MACF1: variants seen among roughly 807,000 people sequenced by gnomAD.
The protein encoded by MACF1 is microtubule actin crosslinking factor 1, also known as microtubule-actin cross-linking factor 1.
A neutral mutation model predicts 854.8 loss-of-function variants in MACF1; 193 were observed. The ratio of observed to expected loss-of-function variants is 0.23; its 90% CI spans 0.20 to 0.25. The LOEUF (loss-of-function observed/expected upper bound fraction) is 0.25. Ranked by LOEUF, MACF1 falls within the 10% of genes least tolerant of loss-of-function variation. The probability of loss-of-function intolerance (pLI) is 1.00; values close to 1 mark genes in which losing one functional copy is unlikely to be tolerated. For missense variants in MACF1, 7,722 were observed against 8,929.1 expected, an observed-to-expected ratio of 0.86 and a Z score of 5.45; for synonymous variants, 3,185 against 3,226.7, an observed-to-expected ratio of 0.99 and a Z score of 0.44.
chr1:39,439,503 A>T lies in MACF1; in HGVS notation c.18447+3A>T. The T allele has an allele frequency of 6.2e-7, 1 of 1,611,148 alleles. No individual in the cohort carries two copies. ...AACAACAGGTTGAAGCTGCTGAGGT[A>T]AGAAGGAAACAAAACCCTTTTTCTT... On this transcript the variant is annotated splice_donor_region_variant and intron_variant, in intron 72 of 100. Coordinates refer to ENST00000564288, the MANE Select transcript of MACF1 (RefSeq NM_001394062.1).
intron 6 of MACF1, among the ~76,000 whole-genome samples, chr1:39,273,945 T>C (rs1313255013): frequency 3.3e-5 from 5 of 152,232 alleles, no homozygotes; most frequent in Non-Finnish European, 7.3e-5. Flanking sequence ...AGAATCATTA[T>C]TTTTTAGGTG....
chr1:39,095,439 T>A (rs1017340382), intron 2 of MACF1, among the ~76,000 whole-genome samples: 2 of 151,248 alleles, frequency 1.3e-5, no homozygotes, highest in Non-Finnish European at 2.9e-5. Context: ...GGTGCGCGCC[T>A]GTAGTCCCAG....
At chr1:39,228,540 A>ATGTTGG (rs1177922731) in intron 1 of MACF1, among the ~76,000 whole-genome samples, 128 of 152,370 alleles carry the variant, frequency 8.4e-4, no homozygotes, top group African/African-American at 2.8e-3. Context: ...TCAGCATCTA[A>ATGTTGG]AAAGATCAAA....
chr1:39,153,156 C>G (rs1004642859), intron 2 of MACF1, among the ~76,000 whole-genome samples: 2 of 152,132 alleles, frequency 1.3e-5, no homozygotes, highest in Admixed American at 1.3e-4. Context: ...AATTTCCTAC[C>G]CTTCCATCTC....
chr1:39,389,391 G>T (rs547255250), intron 58 of MACF1, among the ~76,000 whole-genome samples: 4 of 97,734 alleles, frequency 4.1e-5, no homozygotes, highest in Admixed American at 1.7e-4. Context: ...ACAGAGTCTT[G>T]CTCTGTAGCC....
At chr1:39,252,579 A>C (rs1409282518) in intron 4 of MACF1, among the ~76,000 whole-genome samples, 1 of 152,066 alleles carries the variant, frequency 6.6e-6, no homozygotes, top group Admixed American at 6.5e-5. Context: ...CCTAAATTAT[A>C]GTCCAAAATC....
intron 72 of MACF1, among the ~76,000 whole-genome samples, chr1:39,440,110 T>C (rs899013509): frequency 2.5e-4 from 27 of 107,252 alleles, no homozygotes; most frequent in Non-Finnish European, 5.4e-4. Context: ...TCTTTTCTTT[T>C]CTTTTTTTTT....
At chr1:39,193,443 C>T (rs1436348787) in intron 2 of MACF1, among the ~76,000 whole-genome samples, 1 of 152,222 alleles carries the variant, frequency 6.6e-6, no homozygotes, top group Non-Finnish European at 1.5e-5. Context: ...CCACACATTA[C>T]TTTCACTTAC....
chr1:39,439,341 A>C lies in MACF1; in HGVS notation c.18288A>C (p.Arg6096=). 1 of 1,614,106 alleles carries C rather than the reference A, an allele frequency of 6.2e-7. No individual in the cohort carries two copies. Among genetic ancestry groups the C allele is most frequent in the Non-Finnish European group, 8.5e-7 (1 of 1,179,988 alleles). ...ACATCAAAGCTCGGGCTGAAGAACG[A>C]GAAATCAAATTTCTTGATGTCCTTG... The part of the protein sequence containing the change: ...WEDIKARAEE[R]EIKFLDVLEL... Residue 6096 remains arginine, a synonymous_variant, in exon 72 of 101, where the codon CGA becomes CGC. Transcript: ENST00000564288.
intron 2 of MACF1, among the ~76,000 whole-genome samples, chr1:39,137,851 A>T (rs1643222548): frequency 6.6e-6 from 1 of 152,002 alleles, no homozygotes; most frequent in Non-Finnish European, 1.5e-5. Context: ...AGGCAGGTGG[A>T]TCACCTGAGG....
chr1:39,312,139 G>T, intron 26 of MACF1, among the ~76,000 whole-genome samples: 1 of 152,210 alleles, frequency 6.6e-6, no homozygotes, highest in East Asian at 1.9e-4. Context: ...TGGGAGAATC[G>T]CTTGAACCCA....
chr1:39,354,577 G>A (rs1647363848), intron 44 of MACF1, among the ~76,000 whole-genome samples: 1 of 152,000 alleles, frequency 6.6e-6, no homozygotes, highest in African/African-American at 2.4e-5. Context: ...GCTAAGTTTT[G>A]TATTTTTAGT....
At chr1:39,281,361 G>A (rs956554277) in intron 6 of MACF1, among the ~76,000 whole-genome samples, 2 of 151,894 alleles carry the variant, frequency 1.3e-5, no homozygotes, top group South Asian at 2.1e-4. Flanking sequence ...ATATATGACT[G>A]TATACTTAAA....
Position 39,241,659 on chromosome 1 carries a change from CAAAAAAAAAAAA to C in MACF1, c.172-8343_172-8332del, listed in dbSNP as rs35678466. ...TGGGTGACAGAGCGAGACTCCATCT[CAAAAAAAAAAAA>C]AAAAAAAAAAAGAGTACTACGTGAC... On this transcript the variant is annotated intron_variant, in intron 2 of 100. Coordinates refer to ENST00000564288, the MANE Select transcript of MACF1 (RefSeq NM_001394062.1). 1.7e-4 allele frequency among the ~76,000 whole-genome samples: 9 copies of C among 51,484 alleles called. No homozygotes were observed. The East Asian group carries it at 2.6e-3, about 15-fold the overall frequency. 33.8% of individuals were successfully genotyped at this position (51,484 alleles called of 152,430 possible). A position where few individuals can be genotyped will look rare whatever the true frequency, so the allele number is the denominator to read the frequency against.
chr1:39,388,170 G>A lies in MACF1; in HGVS notation c.15328G>A (p.Gly5110Ser). 1 of 1,614,152 alleles carries A rather than the reference G, an allele frequency of 6.2e-7. No homozygotes were observed. Among genetic ancestry groups the A allele is most frequent in the Non-Finnish European group, 8.5e-7 (1 of 1,180,040 alleles). ...CGAAGTTAAGCAAAGAGTGAACAGT[G>A]GTTGTGTGATGATGGAAAACAAGCT... The part of the protein sequence containing the change: ...FLEVKQRVNS[G>S]CVMMENKLEG... Residue 5110 changes from glycine (G) to serine (S), a missense_variant, in exon 58 of 101, where the codon GGT (glycine) becomes AGT (serine). By Grantham distance (56) the Gly-to-Ser change is moderately conservative (BLOSUM62 0). This residue lies in a region of MACF1 where 2,807 missense variants were observed against 3,235.8 expected (regional missense o/e 0.87). Coordinates refer to ENST00000564288, the MANE Select transcript of MACF1 (RefSeq NM_001394062.1).
chr1:39,352,870 G>T, intron 43 of MACF1, 137 bp from the exon 44 acceptor site: 3 of 482,296 alleles, frequency 6.2e-6, no homozygotes, highest in South Asian at 4.8e-5. Flanking sequence ...ATTCTCTTTT[G>T]TATGTGCAAA....
rs546586293 is a variant in MACF1, at chr1:39,110,445, C to CA, written c.220+26007_220+26008insA. Among the ~76,000 whole-genome samples, 927 of 152,010 alleles carry CA rather than the reference C, an allele frequency of 6.1e-3. 5 individuals are homozygous for CA. Among genetic ancestry groups the CA allele is most frequent in the Non-Finnish European group, 0.011 (771 of 67,956 alleles). Reference sequence around the variant, plus strand: ...AAGAGAAAAGGTCTCACTATGTTGCCCAGGCTGGTCTCAACCCCCTGGCCT... The same window carrying CA: ...AAGAGAAAAGGTCTCACTATGTTGCCACAGGCTGGTCTCAACCCCCTGGCCT... On this transcript the variant is annotated intron_variant, in intron 2 of 93. Transcript: ENST00000361689.
intron 58 of MACF1, among the ~76,000 whole-genome samples, chr1:39,419,275 G>A (rs1192637010): frequency 1.3e-5 from 2 of 152,188 alleles, no homozygotes; most frequent in South Asian, 4.1e-4. Flanking sequence ...ATAGAGTGAA[G>A]GTGAGAAATG....
intron 48 of MACF1, 79 bp downstream of exon 48, chr1:39,361,080 A>G: frequency 2.5e-6 from 3 of 1,202,228 alleles, no homozygotes; most frequent in Non-Finnish European, 3.6e-6. Flanking sequence ...AAAAAGTAAC[A>G]AGAGGGAACC....
Sources: allele counts gnomAD v4.1 joint callset (sites outside exome capture counted in the v4.1 genomes callset), GRCh38; gene constraint gnomAD v4.1.1; regional missense constraint gnomAD v4.1.1; transcripts MANE v1.5; gene names NCBI Gene and HGNC (gene_info 2026-07-23, HGNC 2026-07-21).